Variants in LPP observed in about 807,000 individuals in gnomAD.
LPP encodes the protein lipoma-preferred partner.
A neutral mutation model predicts 60.4 loss-of-function variants in LPP; 38 were observed. The observed-to-expected ratio is 0.63, with a 90% CI of 0.49 to 0.83. The LOEUF (loss-of-function observed/expected upper bound fraction) is 0.83. Ranked by LOEUF, LPP falls within the 40% of genes least tolerant of loss-of-function variation. The pLI is 0.00. For synonymous variants in LPP, 328 were observed against 290.8 expected, an observed-to-expected ratio of 1.13 and a Z score of -1.30; for missense variants, 902 against 783.6, an observed-to-expected ratio of 1.15 and a Z score of -1.80.
At chr3:188,474,778 T>C (rs1047939892) in intron 4 of LPP, among the ~76,000 whole-genome samples, 14 of 152,340 alleles carry the variant, frequency 9.2e-5, no homozygotes, top group African/African-American at 2.6e-4. Context: ...CTTTTTCGCA[T>C]TGGAGCTAAA....
intron 6 of LPP, among the ~76,000 whole-genome samples, chr3:188,561,292 C>T (rs960214717): frequency 3.3e-5 from 5 of 152,102 alleles, no homozygotes; most frequent in African/African-American, 9.6e-5. Context: ...TTTTAAAAAA[C>T]GTGGCCATTG....
intron 2 of LPP, among the ~76,000 whole-genome samples, chr3:188,250,966 TCC>T (rs1729321278): frequency 9.3e-5 from 2 of 21,584 alleles, no homozygotes; most frequent in Non-Finnish European, 1.6e-4. Context: ...TCCCTTCCCT[TCC>T]CTTCCCTTCC....
At chr3:188,327,382 T>C (rs935479275) in intron 2 of LPP, among the ~76,000 whole-genome samples, 1 of 152,204 alleles carries the variant, frequency 6.6e-6, no homozygotes, top group Non-Finnish European at 1.5e-5. Context: ...GAGTGTTTAC[T>C]ACATGCTAGG....
chr3:188,708,122 A>G, intron 7 of LPP, 145 bp from the exon 8 acceptor site: 1 of 797,456 alleles, frequency 1.3e-6, no homozygotes, highest in South Asian at 1.8e-5. Flanking sequence ...TGAATAAGTG[A>G]TAAAACTAAT....
intron 7 of LPP, among the ~76,000 whole-genome samples, chr3:188,704,645 C>A (rs191497729): frequency 1.9e-3 from 286 of 152,204 alleles, no homozygotes; most frequent in Non-Finnish European, 3.4e-3. Context: ...AAACACTTAC[C>A]GTGGTTTCTA....
At chr3:188,760,035 C>T in intron 8 of LPP, 78 bp from the exon 9 acceptor site, 4 of 1,307,724 alleles carry the variant, frequency 3.1e-6, no homozygotes, top group Non-Finnish European at 3.3e-6. Flanking sequence ...CGTTATGAAC[C>T]TGCTTTCTCC....
chr3:188,455,282 A>T (rs1273279140), intron 4 of LPP, among the ~76,000 whole-genome samples: 1 of 152,186 alleles, frequency 6.6e-6, no homozygotes, highest in Admixed American at 6.5e-5. Flanking sequence ...ACCAACAAGG[A>T]TTAAAAAAAG....
intron 2 of LPP, among the ~76,000 whole-genome samples, chr3:188,252,049 TATATATATATATATATATATATATATAC>T (rs1560161096): frequency 3.4e-5 from 3 of 88,476 alleles, no homozygotes; most frequent in Non-Finnish European, 4.4e-5. Flanking sequence ...TATATATATA[TATATATATATATATATATATATATATAC>T]ACACACACAC....
At chr3:188,788,787 GC>G (rs368295571) in intron 9 of LPP, among the ~76,000 whole-genome samples, 1 of 151,968 alleles carries the variant, frequency 6.6e-6, no homozygotes, top group Non-Finnish European at 1.5e-5. Context: ...CCTGCAGCAC[GC>G]CCCCCCGGCT....
At position 188,882,550 on chromosome 3, in the gene LPP, A is replaced by G. The variant is rs1770162680; in HGVS notation, c.*8071A>G. 4.5e-6 allele frequency: 1 copy of G among 222,612 alleles called. No homozygotes were observed. The highest frequency in any genetic ancestry group is 9.0e-6 in the Non-Finnish European group (1 of 111,548). The allele number at this position is 222,612 out of a possible 1,614,324, so 13.8% of individuals were successfully genotyped here. A position where few individuals can be genotyped will look rare whatever the true frequency, so the allele number is the denominator to read the frequency against. ...AACTTTATTATCACAGAATATGAGC[A>G]TTCTTATTGATCCACAGCTACATCT... On this transcript the variant is annotated 3_prime_UTR_variant, in exon 12 of 12. Coordinates refer to ENST00000617246, the MANE Select transcript of LPP (RefSeq NM_001375462.1).
intron 4 of LPP, among the ~76,000 whole-genome samples, chr3:188,461,836 A>C (rs909710192): frequency 5.9e-5 from 9 of 152,104 alleles, no homozygotes; most frequent in Admixed American, 5.9e-4. Context: ...GGCTGTTTTC[A>C]GTTTTTATCT....
At chr3:188,435,003 G>A (rs758930574) in intron 4 of LPP, among the ~76,000 whole-genome samples, 2 of 152,012 alleles carry the variant, frequency 1.3e-5, no homozygotes, top group Non-Finnish European at 2.9e-5. Context: ...ATCTCAGTGT[G>A]GTATAGGAGT....
At chr3:188,802,682 G>C (rs1213829041) in intron 9 of LPP, among the ~76,000 whole-genome samples, 1 of 152,110 alleles carries the variant, frequency 6.6e-6, no homozygotes, top group Non-Finnish European at 1.5e-5. Flanking sequence ...ACTCAGGGGG[G>C]CTGAGGCAGG....
At chr3:188,779,799 A>G (rs1739053573) in intron 9 of LPP, among the ~76,000 whole-genome samples, 1 of 152,106 alleles carries the variant, frequency 6.6e-6, no homozygotes, top group Non-Finnish European at 1.5e-5. Flanking sequence ...TCCATAGAGA[A>G]GACAGCTAAT....
At chr3:188,457,109 G>A (rs1156577684) in intron 4 of LPP, among the ~76,000 whole-genome samples, 1 of 152,194 alleles carries the variant, frequency 6.6e-6, no homozygotes, top group African/African-American at 2.4e-5. Flanking sequence ...GTGATAGACA[G>A]AGTAGTGAAA....
intron 6 of LPP, among the ~76,000 whole-genome samples, chr3:188,594,776 A>C (rs1352110626): frequency 6.6e-6 from 1 of 152,198 alleles, no homozygotes; most frequent in African/African-American, 2.4e-5. Flanking sequence ...CTTTGTTGTA[A>C]ATATAAATAT....
rs373381148 is a variant in LPP at position 188,669,650 on chromosome 3, A to C, written c.1114-38617A>C. ...GAGATGATGTGGAGAAATAGAAACA[A>C]TTTTATACTGTTGGTGGGAGTTCAA... is the stretch of plus-strand genomic sequence containing the variant. On this transcript the variant is annotated intron_variant, in intron 7 of 11. Transcript: ENST00000617246. 8.5e-5 allele frequency among the ~76,000 whole-genome samples: 13 copies of C among 152,252 alleles called. 1 individual carries two copies. Among genetic ancestry groups the C allele is most frequent in the East Asian group, 7.7e-4 (4 of 5,164 alleles).
At chr3:188,679,764 C>G (rs1222863080) in intron 7 of LPP, among the ~76,000 whole-genome samples, 1 of 152,074 alleles carries the variant, frequency 6.6e-6, no homozygotes, top group Non-Finnish European at 1.5e-5. Flanking sequence ...AAATGCATGG[C>G]ATATTTTTCT....
At chr3:188,699,587 T>A (rs1863965185) in intron 7 of LPP, among the ~76,000 whole-genome samples, 1 of 152,210 alleles carries the variant, frequency 6.6e-6, no homozygotes, top group Non-Finnish European at 1.5e-5. Context: ...AAGTCAAAAT[T>A]TCTGGGTCTT....
Sources: allele counts gnomAD v4.1 joint callset (sites outside exome capture counted in the v4.1 genomes callset), GRCh38; gene constraint gnomAD v4.1.1; transcripts MANE v1.5; gene names NCBI Gene and HGNC (gene_info 2026-07-23, HGNC 2026-07-21).